Variants in NALF1 observed in about 807,000 individuals in gnomAD.
NALF1 encodes the protein NALCN channel auxiliary factor 1.
A neutral mutation model predicts 48.4 loss-of-function variants in NALF1; 3 were observed. The ratio of observed to expected loss-of-function variants is 0.06; its 90% CI spans 0.03 to 0.16. The LOEUF (loss-of-function observed/expected upper bound fraction) is 0.16, where lower values mean the gene tolerates loss of function less well. NALF1 is among the 10% of genes least tolerant of loss of function. The probability of loss-of-function intolerance (pLI) is 1.00; values close to 1 mark genes in which losing one functional copy is unlikely to be tolerated. For synonymous variants in NALF1, 262 were observed against 245.7 expected, an observed-to-expected ratio of 1.07 and a Z score of -0.62; for missense variants, 526 against 571.5, an observed-to-expected ratio of 0.92 and a Z score of 0.81.
rs563149503 is a variant in NALF1, at chr13:107,652,517, T to C, written c.915+213165A>G. ...ACTTTTGGAAATTCATGATTGGACA[T>C]CTTTGAGTGGCATTATTTTGCACAC... On this transcript the variant is annotated intron_variant, in intron 1 of 2. Coordinates refer to ENST00000375915, the MANE Select transcript of NALF1 (RefSeq NM_001080396.3). Among the ~76,000 whole-genome samples, 241 of 152,270 alleles carry C rather than the reference T, an allele frequency of 1.6e-3. 4 individuals carry two copies. The highest frequency in any genetic ancestry group is 0.013 in the South Asian group (63 of 4,820).
intron 1 of NALF1, among the ~76,000 whole-genome samples, chr13:107,706,082 C>T (rs986121313): frequency 1.3e-5 from 2 of 151,976 alleles, no homozygotes; most frequent in African/African-American, 4.8e-5. Context: ...CTTAGATATC[C>T]GGATAAAAGG....
intron 1 of NALF1, among the ~76,000 whole-genome samples, chr13:107,436,355 C>A (rs1364660633): frequency 6.6e-6 from 1 of 152,020 alleles, no homozygotes; most frequent in Admixed American, 6.6e-5. Context: ...AAAGGGTAAC[C>A]ATTATGACTA....
chr13:107,572,367 G>A (rs149886309), intron 1 of NALF1, among the ~76,000 whole-genome samples: 1 of 152,012 alleles, frequency 6.6e-6, no homozygotes, highest in Non-Finnish European at 1.5e-5. Flanking sequence ...CATTATAAAT[G>A]ATTTGTTTTC....
chr13:107,834,162 G>A (rs1416036225), intron 1 of NALF1, among the ~76,000 whole-genome samples: 1 of 152,194 alleles, frequency 6.6e-6, no homozygotes, highest in Non-Finnish European at 1.5e-5. Context: ...ATCTAGAGAT[G>A]ATTTAATGTA....
At chr13:107,250,809 C>T (rs2138844022) in intron 1 of NALF1, among the ~76,000 whole-genome samples, 1 of 152,246 alleles carries the variant, frequency 6.6e-6, no homozygotes, top group South Asian at 2.1e-4. Flanking sequence ...TGGGGTCAGA[C>T]TTCCCCCTTG....
At chr13:107,288,565 C>G (rs1343777783) in intron 1 of NALF1, among the ~76,000 whole-genome samples, 1 of 120,436 alleles carries the variant, frequency 8.3e-6, no homozygotes, top group Non-Finnish European at 1.7e-5. Context: ...CGCTCTTGCT[C>G]TTGTTGCCCA....
At chr13:107,178,546 A>G (rs1878988104) in intron 2 of NALF1, among the ~76,000 whole-genome samples, 1 of 152,240 alleles carries the variant, frequency 6.6e-6, no homozygotes. Context: ...TCCAAAACAC[A>G]GGCAATAACA....
intron 1 of NALF1, among the ~76,000 whole-genome samples, chr13:107,381,479 A>G (rs1316254530): frequency 6.6e-6 from 1 of 152,044 alleles, no homozygotes; most frequent in Non-Finnish European, 1.5e-5. Flanking sequence ...TATAGATGTG[A>G]GCCACCACAC....
intron 1 of NALF1, among the ~76,000 whole-genome samples, chr13:107,243,856 C>T (rs1214420266): frequency 1.3e-5 from 2 of 152,134 alleles, no homozygotes; most frequent in African/African-American, 4.8e-5. Flanking sequence ...GTGATATTCC[C>T]ATTGGATTCC....
chr13:107,804,133 C>A (rs1195018248), intron 1 of NALF1, among the ~76,000 whole-genome samples: 1 of 152,190 alleles, frequency 6.6e-6, no homozygotes, highest in African/African-American at 2.4e-5. Context: ...ATCCTGCCTA[C>A]AAGTGCCTAA....
chr13:107,431,606 C>T (rs1884382742), intron 1 of NALF1, among the ~76,000 whole-genome samples: 1 of 152,214 alleles, frequency 6.6e-6, no homozygotes, highest in African/African-American at 2.4e-5. Flanking sequence ...TAGCTATGTT[C>T]TTCCTGGGCA....
At chr13:107,419,977 C>T (rs1884158160) in intron 1 of NALF1, among the ~76,000 whole-genome samples, 1 of 152,076 alleles carries the variant, frequency 6.6e-6, no homozygotes, top group Non-Finnish European at 1.5e-5. Context: ...GATGGTACTT[C>T]AAAAATGGAA....
chr13:107,307,249 G>A (rs1881954070), intron 1 of NALF1, among the ~76,000 whole-genome samples: 1 of 152,100 alleles, frequency 6.6e-6, no homozygotes, highest in South Asian at 2.1e-4. Flanking sequence ...AGGGAGGTTG[G>A]AAATCCCAGT....
chr13:107,784,503 T>C (rs148619673), intron 1 of NALF1, among the ~76,000 whole-genome samples: 2,102 of 152,282 alleles, frequency 0.014, 23 homozygotes, highest in Non-Finnish European at 0.019. Context: ...TTCTGATCAA[T>C]ATTTAAAGTC....
At chr13:107,430,101 A>G (rs1299336931) in intron 1 of NALF1, among the ~76,000 whole-genome samples, 1 of 152,208 alleles carries the variant, frequency 6.6e-6, no homozygotes, top group East Asian at 1.9e-4. Flanking sequence ...AGCAGGGAAA[A>G]TCAACTGAAG....
intron 1 of NALF1, among the ~76,000 whole-genome samples, chr13:107,642,824 T>C (rs897172370): frequency 6.6e-6 from 1 of 152,236 alleles, no homozygotes; most frequent in Non-Finnish European, 1.5e-5. Context: ...CCTTATGTTG[T>C]ATGTGCTCAT....
At chr13:107,359,450 A>G (rs1242253910) in intron 1 of NALF1, among the ~76,000 whole-genome samples, 1 of 152,144 alleles carries the variant, frequency 6.6e-6, no homozygotes, top group African/African-American at 2.4e-5. Context: ...CTGCTGTGAT[A>G]TCATTCTATA....
At chr13:107,317,534 T>C (rs1226081598) in intron 1 of NALF1, among the ~76,000 whole-genome samples, 1 of 152,052 alleles carries the variant, frequency 6.6e-6, no homozygotes, top group East Asian at 1.9e-4. Flanking sequence ...TATCCCCAAA[T>C]TCTGATACTA....
At chr13:107,671,998 TG>T (rs67995132) in intron 1 of NALF1, among the ~76,000 whole-genome samples, 53,340 of 151,606 alleles carry the variant, frequency 0.35, 10,906 homozygotes, top group African/African-American at 0.56. Flanking sequence ...AAAATTGCCT[TG>T]AAAAAAAAAA....
Sources: allele counts gnomAD v4.1 joint callset (sites outside exome capture counted in the v4.1 genomes callset), GRCh38; gene constraint gnomAD v4.1.1; transcripts MANE v1.5; gene names NCBI Gene and HGNC (gene_info 2026-07-23, HGNC 2026-07-21).